CDH18: variants seen among roughly 807,000 people sequenced by gnomAD.
The protein encoded by CDH18 is cadherin 18.
Under a neutral mutation model 67.9 loss-of-function variants are expected in CDH18, and 31 were observed. That is an observed-to-expected ratio of 0.46 (90% CI 0.34 to 0.62). CDH18 has a LOEUF of 0.62. Among genes scored for constraint, CDH18 ranks in the 20% least tolerant of loss-of-function variants. CDH18 has a pLI of 0.01. For synonymous variants in CDH18, 362 were observed against 347.2 expected (o/e 1.04, Z -0.48); for missense variants, 890 against 975.5 (o/e 0.91, Z 1.17).
intron 1 of CDH18, chr5:20,305,800 G>T: frequency 8.2e-6 from 2 of 242,564 alleles, no homozygotes. Flanking sequence ...AAACCAATTC[G>T]AAAAAAAGGG....
At chr5:19,514,578 G>C (rs1470168951) in intron 10 of CDH18, among the ~76,000 whole-genome samples, 1 of 152,136 alleles carries the variant, frequency 6.6e-6, no homozygotes, top group Non-Finnish European at 1.5e-5. Flanking sequence ...GTTTTGATTT[G>C]CATTTCTCTG....
At chr5:19,652,226 T>G (rs1291023681) in intron 5 of CDH18, among the ~76,000 whole-genome samples, 1 of 152,118 alleles carries the variant, frequency 6.6e-6, no homozygotes, top group African/African-American at 2.4e-5. Flanking sequence ...ATTTTTATGT[T>G]ATTAGGTGTG....
chr5:19,712,645 A>G, intron 5 of CDH18, among the ~76,000 whole-genome samples: 1 of 17,886 alleles, frequency 5.6e-5, no homozygotes, highest in Non-Finnish European at 1.8e-4. Context: ...AAATTTATAT[A>G]TATATATATA....
At chr5:19,817,349 C>T (rs774030149) in intron 3 of CDH18, among the ~76,000 whole-genome samples, 6 of 152,020 alleles carry the variant, frequency 3.9e-5, no homozygotes, top group South Asian at 2.1e-4. Context: ...ATCTTTGAAT[C>T]GGAATCTCAC....
chr5:19,583,632 C>A (rs1743635078), intron 7 of CDH18, among the ~76,000 whole-genome samples: 1 of 151,798 alleles, frequency 6.6e-6, no homozygotes, highest in South Asian at 2.1e-4. Context: ...GAAAAGAAGG[C>A]AAGGAAAAAG....
At chr5:19,530,729 C>T (rs941898289) in intron 9 of CDH18, among the ~76,000 whole-genome samples, 4 of 152,114 alleles carry the variant, frequency 2.6e-5, no homozygotes, top group Non-Finnish European at 5.9e-5. Context: ...TGATGGTTTC[C>T]GGTTTCATCC....
At chr5:20,436,626 G>A (rs889641439) in intron 1 of CDH18, among the ~76,000 whole-genome samples, 12 of 150,968 alleles carry the variant, frequency 7.9e-5, no homozygotes, top group Non-Finnish European at 1.5e-4. Flanking sequence ...ATGTATATAT[G>A]TGTATATATA....
intron 1 of CDH18, among the ~76,000 whole-genome samples, chr5:20,269,142 A>G (rs1362858601): frequency 6.6e-6 from 1 of 152,090 alleles, no homozygotes; most frequent in Non-Finnish European, 1.5e-5. Flanking sequence ...GCTCAACGTC[A>G]CTAATCATCC....
At chr5:20,061,202 G>A (rs983393633) in intron 2 of CDH18, among the ~76,000 whole-genome samples, 3 of 151,892 alleles carry the variant, frequency 2.0e-5, no homozygotes, top group African/African-American at 7.2e-5. Flanking sequence ...TAGGATAAAA[G>A]TAGTCCTATA....
At chr5:19,540,754 G>A (rs1043420813) in intron 9 of CDH18, among the ~76,000 whole-genome samples, 1 of 152,096 alleles carries the variant, frequency 6.6e-6, no homozygotes. Context: ...AGGGCACCAA[G>A]TACCTAGGCT....
Position 20,238,609 on chromosome 5 carries a change from A to G in CDH18, c.-518+16835T>C, listed in dbSNP as rs145034737. On this transcript the variant is annotated intron_variant, in intron 2 of 14. Transcript: ENST00000507958. ...GAACTCTCATACCCCACTGGTGGAG[A>G]TGTAAAATGGTATATTCACTTCAAA... Among the ~76,000 whole-genome samples, 1,058 of 152,278 alleles carry G rather than the reference A, an allele frequency of 6.9e-3. 8 individuals carry two copies. The highest frequency in any genetic ancestry group is 0.024 in the Middle Eastern group (7 of 294).
chr5:20,405,362 G>T (rs1208167087), intron 1 of CDH18, among the ~76,000 whole-genome samples: 1 of 152,172 alleles, frequency 6.6e-6, no homozygotes, highest in Non-Finnish European at 1.5e-5. Context: ...AATAAATGGT[G>T]CTGGGAAAAC....
chr5:20,575,161 TG>T (rs1344376981), intron 1 of CDH18, among the ~76,000 whole-genome samples: 1 of 152,118 alleles, frequency 6.6e-6, no homozygotes, highest in Non-Finnish European at 1.5e-5. Flanking sequence ...CACAAAAAAA[TG>T]TACTTTGTAT....
intron 5 of CDH18, among the ~76,000 whole-genome samples, chr5:19,682,733 A>T (rs779301850): frequency 2.6e-5 from 4 of 152,074 alleles, no homozygotes; most frequent in Non-Finnish European, 5.9e-5. Flanking sequence ...TGTTAAAATA[A>T]ATGATGGGAT....
rs533875701 is a variant in CDH18, at chr5:19,670,765, G to A, written c.643+50582C>T. On this transcript the variant is annotated intron_variant, in intron 5 of 12. Transcript: ENST00000382275. ...ACTGGGGAACACTGCAGCACTTCTGGAGCAAAATGACAAATGACCATTAAT... is the reference window on the plus strand; with the variant it reads ...ACTGGGGAACACTGCAGCACTTCTGAAGCAAAATGACAAATGACCATTAAT... Among the ~76,000 whole-genome samples, 7 of 152,126 alleles carry A rather than the reference G, an allele frequency of 4.6e-5. No homozygotes were observed. In the South Asian group the frequency reaches 1.5e-3, roughly 32 times the overall value.
At chr5:20,258,668 T>C (rs562637621) in intron 1 of CDH18, among the ~76,000 whole-genome samples, 19 of 152,276 alleles carry the variant, frequency 1.2e-4, no homozygotes, top group Middle Eastern at 6.8e-3. Context: ...TATTTTTCAA[T>C]TCAATGCCCA....
At chr5:19,635,968 A>G (rs1403076161) in intron 5 of CDH18, among the ~76,000 whole-genome samples, 1 of 152,128 alleles carries the variant, frequency 6.6e-6, no homozygotes, top group Non-Finnish European at 1.5e-5. Context: ...AATGTTGTTG[A>G]AAGTAAAGAA....
At chr5:20,000,098 A>G (rs1736327066) in intron 2 of CDH18, among the ~76,000 whole-genome samples, 1 of 152,182 alleles carries the variant, frequency 6.6e-6, no homozygotes, top group African/African-American at 2.4e-5. Context: ...GGCAGTAGGA[A>G]AAGTGTTCCT....
intron 3 of CDH18, among the ~76,000 whole-genome samples, chr5:19,821,187 C>A (rs1008890615): frequency 2.0e-5 from 3 of 151,906 alleles, no homozygotes; most frequent in Admixed American, 2.0e-4. Context: ...AAGTTGAAAC[C>A]CAATCCAAAG....
Sources: gnomAD v4.1 joint callset for allele counts (sites outside exome capture counted in the v4.1 genomes callset) on GRCh38, gnomAD v4.1.1 for gene constraint, MANE v1.5 for transcripts, NCBI Gene and HGNC (gene_info 2026-07-23, HGNC 2026-07-21) for gene names.